LRRIQ4: variants seen among roughly 807,000 people sequenced by gnomAD.
LRRIQ4 encodes leucine-rich repeat and IQ domain-containing protein 4.
LRRIQ4 carries 21 observed loss-of-function variants against 40.1 expected under a neutral mutation model. The ratio of observed to expected loss-of-function variants is 0.52; its 90% confidence interval spans 0.37 to 0.75. LRRIQ4 has a LOEUF of 0.75. Ranked by LOEUF, LRRIQ4 falls within the 30% of genes least tolerant of loss-of-function variation. LRRIQ4 has a pLI of 0.00. For synonymous variants in LRRIQ4, 277 were observed against 277.1 expected (o/e 1.00, Z 0.00); for missense variants, 655 against 660.0 (o/e 0.99, Z 0.08).
chr3:169,836,855 C>T (rs1004170242), intron 5 of LRRIQ4, among the ~76,000 whole-genome samples: 3 of 152,100 alleles, frequency 2.0e-5, no homozygotes, highest in African/African-American at 7.2e-5. Flanking sequence ...CAGAGTGAGC[C>T]AGGGAAAAGG....
At position 169,827,563 on chromosome 3, in the gene LRRIQ4, C is replaced by T. The variant is rs1020880975; in HGVS notation, c.1021-1196C>T. 5.5e-5 allele frequency among the ~76,000 whole-genome samples: 8 copies of T among 146,074 alleles called. No individual in the cohort carries two copies. In the South Asian group the frequency reaches 6.5e-4, roughly 12 times the overall value. ...CGGAGCTTGCAGTGAGCCGAGATCGCGCCACTGCACTCCAGCCTGGGCGGC... is the reference window on the plus strand; with the variant it reads ...CGGAGCTTGCAGTGAGCCGAGATCGTGCCACTGCACTCCAGCCTGGGCGGC... On this transcript the variant is annotated intron_variant, in intron 2 of 5. Coordinates refer to ENST00000340806, the MANE Select transcript of LRRIQ4 (RefSeq NM_001080460.3).
At position 169,818,350 on chromosome 3, in the gene LRRIQ4, T is replaced by TC. The variant is rs1358080950; in HGVS notation, c.-31-3541_-31-3540insC. 3.3e-5 allele frequency among the ~76,000 whole-genome samples: 5 copies of TC among 152,318 alleles called. No homozygotes were observed. The East Asian group carries it at 9.7e-4, about 29-fold the overall frequency. On this transcript the variant is annotated intron_variant, in intron 1 of 5. Transcript: ENST00000340806. ...GGGACTGTGATTGCAAACCTGATCT[T>TC]TCGTTCTTATGAAGATGATTTCTTG...
At chr3:169,815,941 G>C (rs1354099667) in intron 1 of LRRIQ4, among the ~76,000 whole-genome samples, 1 of 152,154 alleles carries the variant, frequency 6.6e-6, no homozygotes, top group Non-Finnish European at 1.5e-5. Flanking sequence ...GTATCACATT[G>C]ATTGATTTGT....
chr3:169,832,658 A>G (rs540277057), intron 4 of LRRIQ4, among the ~76,000 whole-genome samples: 3 of 148,538 alleles, frequency 2.0e-5, no homozygotes, highest in Non-Finnish European at 4.5e-5. Flanking sequence ...AAAAAAATCA[A>G]TAGTCTGCTG....
chr3:169,814,504 G>A (rs1779720547), intron 1 of LRRIQ4, among the ~76,000 whole-genome samples: 1 of 146,116 alleles, frequency 6.8e-6, no homozygotes, highest in African/African-American at 2.7e-5. Flanking sequence ...TTTGTTTTTT[G>A]AGACAGAGTC....
At chr3:169,826,108 C>CAG (rs1228331898) in intron 2 of LRRIQ4, among the ~76,000 whole-genome samples, 7 of 152,020 alleles carry the variant, frequency 4.6e-5, no homozygotes, top group African/African-American at 1.7e-4. Context: ...AGGAGAAAAG[C>CAG]AGGCCACGTG....
At position 169,832,752 on chromosome 3, in the gene LRRIQ4, A is replaced by G. The variant is rs547262962; in HGVS notation, c.1334-235A>G. 1.6e-4 allele frequency among the ~76,000 whole-genome samples: 25 copies of G among 152,272 alleles called. 1 individual carries two copies. In the East Asian group the frequency reaches 4.0e-3, roughly 25 times the overall value. ...AAAAACTGTTGCTCTAAACAAACAA[A>G]ACATTTGGAATATCTGGAGACTGAA... On this transcript the variant is annotated intron_variant, in intron 4 of 5. Coordinates refer to ENST00000340806, the MANE Select transcript of LRRIQ4 (RefSeq NM_001080460.3).
chr3:169,826,888 C>A (rs1490654760), intron 2 of LRRIQ4, among the ~76,000 whole-genome samples: 1 of 152,156 alleles, frequency 6.6e-6, no homozygotes, highest in East Asian at 1.9e-4. Context: ...ACTGTTACAG[C>A]ATTTTTAGGA....
rs1780143357 is a variant in LRRIQ4, at chr3:169,830,518, C to T, written c.1221C>T (p.Asn407=). 2 of 1,597,452 alleles carry T rather than the reference C, an allele frequency of 1.3e-6. No individual in the cohort carries two copies. The highest frequency in any genetic ancestry group is 2.3e-5 in the East Asian group (1 of 43,944). ...LQSLKELYIE[N]NHLEYLPVSL... ...GTCTCAAAGAGCTATATATAGAGAA[C>T]AATCATCTGGAGTACCTGCCCGTAT... is the stretch of plus-strand genomic sequence containing the variant. The change falls in exon 4 of 6, where the codon AAC becomes AAT. Residue 407 remains asparagine, a synonymous_variant. Transcript: ENST00000340806.
At chr3:169,813,909 G>C (rs1453060446) in intron 1 of LRRIQ4, among the ~76,000 whole-genome samples, 1 of 152,144 alleles carries the variant, frequency 6.6e-6, no homozygotes, top group East Asian at 1.9e-4. Flanking sequence ...CATGCAGACG[G>C]GCAGGTTGTG....
chr3:169,828,340 C>A (rs371620405), intron 2 of LRRIQ4, among the ~76,000 whole-genome samples: 1 of 152,158 alleles, frequency 6.6e-6, no homozygotes, highest in East Asian at 1.9e-4. Context: ...TCCAGAGATT[C>A]CCCTGCCTCA....
chr3:169,829,899 G>T (rs1444361997), intron 3 of LRRIQ4, among the ~76,000 whole-genome samples: 3 of 152,260 alleles, frequency 2.0e-5, no homozygotes, highest in African/African-American at 7.2e-5. Context: ...TATGACACAG[G>T]GTGTCTCTTC....
At chr3:169,814,626 C>T (rs757008768) in intron 1 of LRRIQ4, among the ~76,000 whole-genome samples, 1 of 152,148 alleles carries the variant, frequency 6.6e-6, no homozygotes, top group Non-Finnish European at 1.5e-5. Context: ...GCCGGGATTA[C>T]AGGCGCCCCC....
At chr3:169,816,158 G>T (rs1336112418) in intron 1 of LRRIQ4, among the ~76,000 whole-genome samples, 1 of 152,122 alleles carries the variant, frequency 6.6e-6, no homozygotes, top group Non-Finnish European at 1.5e-5. Flanking sequence ...TGGTGTCAGG[G>T]TAATACTGGC....
chr3:169,817,685 C>A (rs182894850), intron 1 of LRRIQ4, among the ~76,000 whole-genome samples: 1 of 151,460 alleles, frequency 6.6e-6, no homozygotes, highest in Non-Finnish European at 1.5e-5. Flanking sequence ...ATATAATGAC[C>A]TTTTTTGTCT....
intron 5 of LRRIQ4, among the ~76,000 whole-genome samples, chr3:169,834,205 T>C (rs1479500630): frequency 6.6e-6 from 1 of 151,924 alleles, no homozygotes; most frequent in East Asian, 1.9e-4. Context: ...CTACTAAAAA[T>C]ACAAAAATTA....
At chr3:169,818,016 G>A (rs1187406502) in intron 1 of LRRIQ4, among the ~76,000 whole-genome samples, 1 of 152,184 alleles carries the variant, frequency 6.6e-6, no homozygotes, top group African/African-American at 2.4e-5. Context: ...TCCCACAGTG[G>A]TGGGGCTAGC....
At chr3:169,824,647 G>A (rs2108269353) in intron 2 of LRRIQ4, among the ~76,000 whole-genome samples, 1 of 152,028 alleles carries the variant, frequency 6.6e-6, no homozygotes, top group East Asian at 1.9e-4. Flanking sequence ...CAAGTAGTTG[G>A]GACTACAGGT....
intron 1 of LRRIQ4, among the ~76,000 whole-genome samples, chr3:169,816,278 C>G (rs541740212): frequency 6.6e-6 from 1 of 152,104 alleles, no homozygotes; most frequent in Non-Finnish European, 1.5e-5. Flanking sequence ...AGCATTGAAG[C>G]CATTGGGTCC....
Sources: allele counts gnomAD v4.1 joint callset (sites outside exome capture counted in the v4.1 genomes callset), GRCh38; gene constraint gnomAD v4.1.1; transcripts MANE v1.5; gene names NCBI Gene and HGNC (gene_info 2026-07-23, HGNC 2026-07-21).